LRP1B: variants seen among roughly 807,000 people sequenced by gnomAD.
The protein encoded by LRP1B is LDL receptor related protein 1B.
LRP1B carries 217 observed loss-of-function variants against 556.6 expected under a neutral mutation model. The observed-to-expected ratio is 0.39, with a 90% CI of 0.35 to 0.44. LRP1B has a LOEUF of 0.44. Ranked by LOEUF, LRP1B falls within the 20% of genes least tolerant of loss-of-function variation. The pLI is 1.00. For missense variants in LRP1B, 5,053 were observed against 5,620.8 expected, an observed-to-expected ratio of 0.90 and a Z score of 3.23; for synonymous variants, 2,047 against 1,865.8, an observed-to-expected ratio of 1.10 and a Z score of -2.50.
rs1160711733 is a variant in LRP1B, at chr2:142,014,243, G to A, written c.82+116405C>T. Among the ~76,000 whole-genome samples, 5 of 149,592 alleles carry A rather than the reference G, an allele frequency of 3.3e-5. No homozygotes were observed. The South Asian group carries it at 6.2e-4, about 19-fold the overall frequency. ...CCTGAATCCTTTCTTGCACGAGATCGAAGAACCCTCTCTTGGGGTCTGAAT... is the reference window on the plus strand; with the variant it reads ...CCTGAATCCTTTCTTGCACGAGATCAAAGAACCCTCTCTTGGGGTCTGAAT... On this transcript the variant is annotated intron_variant, in intron 1 of 90. Transcript: ENST00000389484.
intron 79 of LRP1B, among the ~76,000 whole-genome samples, chr2:140,333,032 T>C (rs144531559): frequency 6.6e-6 from 1 of 152,082 alleles, no homozygotes; most frequent in African/African-American, 2.4e-5. Context: ...AGTTTTGCAT[T>C]TGAGTCACCT....
At chr2:141,742,243 T>TC (rs921503100) in intron 2 of LRP1B, among the ~76,000 whole-genome samples, 1 of 146,060 alleles carries the variant, frequency 6.8e-6, no homozygotes, top group African/African-American at 2.6e-5. Flanking sequence ...CCAGTTTTTT[T>TC]TTTCTTTCTT....
At chr2:142,106,252 A>T (rs930472482) in intron 1 of LRP1B, among the ~76,000 whole-genome samples, 1 of 152,212 alleles carries the variant, frequency 6.6e-6, no homozygotes, top group Admixed American at 6.5e-5. Context: ...AGAAATAAAG[A>T]TTGCAAAATT....
intron 1 of LRP1B, among the ~76,000 whole-genome samples, chr2:141,870,621 C>A (rs1698552658): frequency 6.6e-6 from 1 of 151,928 alleles, no homozygotes; most frequent in Non-Finnish European, 1.5e-5. Context: ...CTTGCATTTA[C>A]ATTTTCCCTC....
intron 2 of LRP1B, among the ~76,000 whole-genome samples, chr2:141,670,045 G>A (rs562900871): frequency 1.1e-4 from 16 of 152,124 alleles, no homozygotes; most frequent in African/African-American, 2.2e-4. Flanking sequence ...GAGCCACTGC[G>A]CCCAGCCATC....
At chr2:141,346,787 TA>T (rs1478517462) in intron 3 of LRP1B, among the ~76,000 whole-genome samples, 1 of 152,190 alleles carries the variant, frequency 6.6e-6, no homozygotes, top group Non-Finnish European at 1.5e-5. Flanking sequence ...GATGTTGGAT[TA>T]ATTTCTTACA....
At chr2:141,907,653 A>T (rs1044949910) in intron 1 of LRP1B, among the ~76,000 whole-genome samples, 1 of 152,026 alleles carries the variant, frequency 6.6e-6, no homozygotes, top group Admixed American at 6.6e-5. Flanking sequence ...TAATGAGTCA[A>T]AAAATTCAGA....
At chr2:140,879,088 C>T (rs952272158) in intron 25 of LRP1B, among the ~76,000 whole-genome samples, 1 of 151,994 alleles carries the variant, frequency 6.6e-6, no homozygotes, top group Non-Finnish European at 1.5e-5. Context: ...TGTGGATAAG[C>T]CACCAATAGA....
At chr2:141,861,954 C>G (rs1397902117) in intron 1 of LRP1B, among the ~76,000 whole-genome samples, 11 of 151,256 alleles carry the variant, frequency 7.3e-5, no homozygotes, top group Admixed American at 7.3e-4. Context: ...AAAAGAAAAA[C>G]AAAATTACAG....
chr2:141,419,993 G>T (rs115204662), intron 3 of LRP1B, among the ~76,000 whole-genome samples: 3 of 152,112 alleles, frequency 2.0e-5, no homozygotes, highest in Admixed American at 6.5e-5. Context: ...TGCTGCTGTT[G>T]GGTGGATTGT....
intron 11 of LRP1B, among the ~76,000 whole-genome samples, chr2:141,039,774 A>G (rs1280623186): frequency 6.6e-6 from 1 of 152,040 alleles, no homozygotes; most frequent in Non-Finnish European, 1.5e-5. Flanking sequence ...TCTTTTCATC[A>G]TTTGATAGGT....
intron 1 of LRP1B, among the ~76,000 whole-genome samples, chr2:141,960,896 C>A (rs1049560354): frequency 2.0e-5 from 3 of 151,634 alleles, no homozygotes; most frequent in Non-Finnish European, 2.9e-5. Flanking sequence ...AAGTATATTA[C>A]CTCATTTAGT....
At chr2:140,583,264 T>C (rs1213145891) in intron 43 of LRP1B, among the ~76,000 whole-genome samples, 4 of 145,566 alleles carry the variant, frequency 2.7e-5, no homozygotes, top group Non-Finnish European at 6.0e-5. Context: ...AACTTCTGCC[T>C]TCCAGGTTCA....
chr2:141,624,036 C>CAAAAACAA (rs1688609174), intron 2 of LRP1B, among the ~76,000 whole-genome samples: 1 of 90,760 alleles, frequency 1.1e-5, no homozygotes, highest in South Asian at 3.7e-4. Flanking sequence ...AAAAATTAAA[C>CAAAAACAA]AAAAAAAAAA....
At chr2:140,410,432 C>T (rs1362059649) in intron 66 of LRP1B, among the ~76,000 whole-genome samples, 1 of 151,898 alleles carries the variant, frequency 6.6e-6, no homozygotes, top group South Asian at 2.1e-4. Context: ...CTTAATAGTG[C>T]ACTTCTCTGT....
intron 41 of LRP1B, among the ~76,000 whole-genome samples, chr2:140,666,874 G>A (rs1042433630): frequency 6.6e-6 from 1 of 152,172 alleles, no homozygotes; most frequent in Non-Finnish European, 1.5e-5. Context: ...ACTGTGTGAG[G>A]AATGAAGTCT....
intron 2 of LRP1B, among the ~76,000 whole-genome samples, chr2:141,551,146 G>T (rs952917309): frequency 6.6e-6 from 1 of 151,914 alleles, no homozygotes; most frequent in African/African-American, 2.4e-5. Context: ...ATATTACATA[G>T]ATGTGTATTT....
chr2:140,443,980 A>G (rs957737158), intron 65 of LRP1B, among the ~76,000 whole-genome samples: 9 of 152,210 alleles, frequency 5.9e-5, no homozygotes, highest in Non-Finnish European at 1.3e-4. Context: ...GATTAATCAC[A>G]GAAGTAAATT....
At chr2:141,533,831 T>A (rs1046784946) in intron 2 of LRP1B, among the ~76,000 whole-genome samples, 2 of 152,174 alleles carry the variant, frequency 1.3e-5, no homozygotes, top group Non-Finnish European at 2.9e-5. Context: ...ATGGCATCCC[T>A]ATCTTCACTT....
Sources: allele counts gnomAD v4.1 joint callset (sites outside exome capture counted in the v4.1 genomes callset), GRCh38; gene constraint gnomAD v4.1.1; transcripts MANE v1.5; gene names NCBI Gene and HGNC (gene_info 2026-07-23, HGNC 2026-07-21).